Variants in PACRG observed in about 807,000 individuals in gnomAD.
PACRG encodes the protein parkin coregulated.
In PACRG, 29 loss-of-function variants were observed where a neutral mutation model predicts 29.7. The observed-to-expected ratio is 0.98, with a 90% CI of 0.73 to 1.33. The LOEUF (loss-of-function observed/expected upper bound fraction) is 1.33. Among genes scored for constraint, PACRG ranks in the 40% most tolerant of loss-of-function variants. PACRG has a pLI of 0.00. For synonymous variants in PACRG, 116 were observed against 118.7 expected (o/e 0.98, Z 0.15); for missense variants, 279 against 316.2 (o/e 0.88, Z 0.89).
At chr6:162,993,161 G>C (rs1208182237) in intron 2 of PACRG, among the ~76,000 whole-genome samples, 1 of 151,452 alleles carries the variant, frequency 6.6e-6, no homozygotes, top group African/African-American at 2.4e-5. Context: ...TTACTTCCAA[G>C]TATGTGGTCA....
chr6:162,751,805 T>C (rs971395081), intron 1 of PACRG, among the ~76,000 whole-genome samples: 1 of 152,148 alleles, frequency 6.6e-6, no homozygotes, highest in African/African-American at 2.4e-5. Context: ...TCTGCCATCT[T>C]AAATGCCTAT....
At chr6:162,959,793 T>C (rs1800458249) in intron 2 of PACRG, among the ~76,000 whole-genome samples, 1 of 152,114 alleles carries the variant, frequency 6.6e-6, no homozygotes, top group African/African-American at 2.4e-5. Context: ...TGTGGTTGGA[T>C]CCTGGACATA....
chr6:163,102,075 G>C (rs1256458978), intron 4 of PACRG, among the ~76,000 whole-genome samples: 4 of 152,134 alleles, frequency 2.6e-5, no homozygotes, highest in Non-Finnish European at 5.9e-5. Context: ...CGGTGAACCT[G>C]AATCAATGTG....
At chr6:162,942,818 G>T (rs1798728257) in intron 2 of PACRG, among the ~76,000 whole-genome samples, 1 of 152,142 alleles carries the variant, frequency 6.6e-6, no homozygotes, top group African/African-American at 2.4e-5. Context: ...GCTAACTGGA[G>T]GTATCTGGTA....
In PACRG at chr6:162,948,621, T is replaced by C. The variant is rs905248863; in HGVS notation, c.292-113529T>C. 8.6e-5 allele frequency among the ~76,000 whole-genome samples: 13 copies of C among 151,944 alleles called. No homozygotes were observed. The South Asian group carries it at 2.5e-3, about 29-fold the overall frequency. ...AGACAGCCTTAAAAATGAGAGAAAA[T>C]ATTTGCAAACTATTCATCTGACAAA... On this transcript the variant is annotated intron_variant, in intron 2 of 4. Coordinates refer to ENST00000366888, the MANE Select transcript of PACRG (RefSeq NM_001080379.2).
intron 4 of PACRG, among the ~76,000 whole-genome samples, chr6:163,221,371 A>G (rs1652887186): frequency 6.6e-6 from 1 of 152,252 alleles, no homozygotes; most frequent in Non-Finnish European, 1.5e-5. Flanking sequence ...AGGCAGTGAG[A>G]AGAAGGAGCC....
intron 2 of PACRG, among the ~76,000 whole-genome samples, chr6:162,954,793 T>C (rs971889235): frequency 1.3e-5 from 2 of 152,244 alleles, no homozygotes; most frequent in African/African-American, 4.8e-5. Flanking sequence ...ATAGCAAGTG[T>C]ATTTTTTTGT....
At chr6:163,152,693 G>A (rs549540284) in intron 4 of PACRG, among the ~76,000 whole-genome samples, 4 of 152,150 alleles carry the variant, frequency 2.6e-5, no homozygotes, top group South Asian at 4.1e-4. Context: ...AGGAAAATTG[G>A]CACCAAAATC....
chr6:163,102,128 C>T (rs1815128774), intron 4 of PACRG, among the ~76,000 whole-genome samples: 1 of 152,142 alleles, frequency 6.6e-6, no homozygotes, highest in Non-Finnish European at 1.5e-5. Context: ...GTTTTCACTA[C>T]CGTCGGGAAA....
chr6:162,911,679 T>C (rs1383766739), intron 2 of PACRG, among the ~76,000 whole-genome samples: 1 of 152,216 alleles, frequency 6.6e-6, no homozygotes, highest in Non-Finnish European at 1.5e-5. Flanking sequence ...ATTTACTTGT[T>C]ACTGGCAAAT....
chr6:162,884,072 C>A (rs1225466298), intron 2 of PACRG, among the ~76,000 whole-genome samples: 2 of 151,982 alleles, frequency 1.3e-5, no homozygotes, highest in African/African-American at 4.8e-5. Context: ...CGCCTAAGTC[C>A]CCCAAGTAGC....
At chr6:162,779,086 G>C (rs956490203) in intron 1 of PACRG, among the ~76,000 whole-genome samples, 3 of 152,140 alleles carry the variant, frequency 2.0e-5, no homozygotes, top group Non-Finnish European at 4.4e-5. Flanking sequence ...ATGTGTCCAT[G>C]TGTTCTCATC....
At chr6:162,986,687 C>T (rs1032128254) in intron 2 of PACRG, among the ~76,000 whole-genome samples, 1 of 152,086 alleles carries the variant, frequency 6.6e-6, no homozygotes, top group African/African-American at 2.4e-5. Context: ...GAAGCAAATG[C>T]AACAAAAATA....
At position 162,804,866 on chromosome 6, in the gene PACRG, A is replaced by G. The variant is rs114394409; in HGVS notation, c.157-9281A>G. ...ATTCCTTAAATGTGGGGATCCATTC[A>G]TGCGTTGTTAGGCAATTTCATCATT... On this transcript the variant is annotated intron_variant, in intron 1 of 4. Transcript: ENST00000366888. 8.7e-3 allele frequency among the ~76,000 whole-genome samples: 1,324 copies of G among 152,320 alleles called. 25 individuals are homozygous for G. The highest frequency in any genetic ancestry group is 0.03 in the African/African-American group (1,260 of 41,564).
chr6:162,911,598 CAT>C (rs919376150), intron 2 of PACRG, among the ~76,000 whole-genome samples: 36 of 152,290 alleles, frequency 2.4e-4, no homozygotes, highest in African/African-American at 7.2e-4. Flanking sequence ...CCCTGGGGCA[CAT>C]GCATGACAAT....
At chr6:162,969,295 C>T (rs777908225) in intron 2 of PACRG, among the ~76,000 whole-genome samples, 9 of 152,062 alleles carry the variant, frequency 5.9e-5, no homozygotes, top group Non-Finnish European at 1.0e-4. Context: ...CTCATCCTCC[C>T]GTTTCAAGGG....
chr6:163,182,291 T>C (rs527351012), intron 4 of PACRG, among the ~76,000 whole-genome samples: 1 of 152,378 alleles, frequency 6.6e-6, no homozygotes, highest in African/African-American at 2.4e-5. Flanking sequence ...TGAAAGTTAC[T>C]GAAGAAATTG....
chr6:162,753,813 T>C (rs1451648704), intron 1 of PACRG, among the ~76,000 whole-genome samples: 1 of 152,192 alleles, frequency 6.6e-6, no homozygotes, highest in African/African-American at 2.4e-5. Context: ...ATTGTAATTT[T>C]CCTGAGGCCT....
chr6:162,983,810 T>A (rs2128175101), intron 2 of PACRG, among the ~76,000 whole-genome samples: 1 of 152,080 alleles, frequency 6.6e-6, no homozygotes, highest in East Asian at 1.9e-4. Flanking sequence ...TGTGACAAAT[T>A]TTTCAGCTGT....
Sources: allele counts gnomAD v4.1 joint callset (sites outside exome capture counted in the v4.1 genomes callset), GRCh38; gene constraint gnomAD v4.1.1; transcripts MANE v1.5; gene names NCBI Gene and HGNC (gene_info 2026-07-23, HGNC 2026-07-21).